OTULIN: variants seen among roughly 807,000 people sequenced by gnomAD.
OTULIN encodes OTU deubiquitinase with linear linkage specificity.
A neutral mutation model predicts 39.6 loss-of-function variants in OTULIN; 15 were observed. The observed-to-expected ratio is 0.38, with a 90% CI of 0.25 to 0.58. The LOEUF is 0.58. Ranked by LOEUF, OTULIN falls within the 20% of genes least tolerant of loss-of-function variation. The pLI is 0.66. For missense variants in OTULIN, 319 were observed against 445.9 expected (o/e 0.72, Z 2.56); for synonymous variants, 156 against 170.3 (o/e 0.92, Z 0.65).
At chr5:14,712,602 G>A in the OTULIN span, among the ~76,000 whole-genome samples, 8 of 152,198 alleles carry the variant, frequency 5.3e-5, no homozygotes, top group African/African-American at 1.7e-4. Context: ...CCCCATCTAC[G>A]CTGGCTTTCT....
intron 1 of OTULIN, among the ~76,000 whole-genome samples, chr5:14,672,566 G>A (rs1736005347): frequency 6.6e-6 from 1 of 152,100 alleles, no homozygotes; most frequent in African/African-American, 2.4e-5. Context: ...GTGTGAGGAT[G>A]GGGTATGCGC....
intron 1 of OTULIN, among the ~76,000 whole-genome samples, chr5:14,673,069 A>T (rs904841006): frequency 6.6e-6 from 1 of 152,148 alleles, no homozygotes; most frequent in Non-Finnish European, 1.5e-5. Flanking sequence ...GTGGGAATCT[A>T]TGTAACAGCT....
In OTULIN at chr5:14,678,604, TA is replaced by T. The variant is rs1341462533; in HGVS notation, c.230-75del. 3.9e-6 allele frequency: 4 copies of T among 1,020,802 alleles called. No homozygotes were observed. In the African/African-American group the frequency reaches 6.7e-5, roughly 17 times the overall value. The allele number at this position is 1,020,802 out of a possible 1,614,324, so 63.2% of individuals were successfully genotyped here. On this transcript the variant is annotated intron_variant, in intron 2 of 6. Coordinates refer to ENST00000284274, the MANE Select transcript of OTULIN (RefSeq NM_138348.6). ...AAGAAAGAAAATGAAGAGTGAAGGG[TA>T]ACCCCCAACTGAAGCAGTATTCTGA...
At chr5:14,674,329 T>A (rs944446077) in intron 2 of OTULIN, among the ~76,000 whole-genome samples, 3 of 152,214 alleles carry the variant, frequency 2.0e-5, no homozygotes, top group African/African-American at 7.2e-5. Flanking sequence ...GTTCCCTGAG[T>A]GGCCTCATGC....
At chr5:14,700,868 C>T (rs1200467169), downstream of OTULIN, among the ~76,000 whole-genome samples, 1 of 152,164 alleles carries the variant, frequency 6.6e-6, no homozygotes, top group Admixed American at 6.5e-5. Context: ...CCTTTTTGAG[C>T]ACTCTGGGGT....
intron 5 of OTULIN, among the ~76,000 whole-genome samples, chr5:14,688,865 G>C (rs1453695150): frequency 6.6e-6 from 1 of 152,092 alleles, no homozygotes; most frequent in Non-Finnish European, 1.5e-5. Flanking sequence ...TTAAGGTCTT[G>C]TGAAATTGCT....
At chr5:14,714,426 C>T in the OTULIN span, among the ~76,000 whole-genome samples, 10 of 152,342 alleles carry the variant, frequency 6.6e-5, no homozygotes, top group East Asian at 3.9e-4. Context: ...CTTGAGGACG[C>T]GCAGGGCAGG....
At chr5:14,673,618 A>G in intron 1 of OTULIN, 24 bp from the exon 2 acceptor site, 1 of 1,608,476 alleles carries the variant, frequency 6.2e-7, no homozygotes, top group Non-Finnish European at 8.5e-7. Context: ...GTGTTTGAAA[A>G]TGTCTGCTTT....
intron 5 of OTULIN, among the ~76,000 whole-genome samples, chr5:14,688,194 G>A (rs1332279557): frequency 1.3e-5 from 2 of 152,124 alleles, no homozygotes; most frequent in African/African-American, 4.8e-5. Flanking sequence ...CTACCTTTCT[G>A]TGGCTTTCCA....
At chr5:14,681,648 C>T in intron 4 of OTULIN, 41 bp downstream of exon 4, 2 of 1,575,632 alleles carry the variant, frequency 1.3e-6, no homozygotes, top group East Asian at 4.5e-5. Flanking sequence ...ATGTTTCAAA[C>T]AATTTTTGTG....
chr5:14,690,404 C>G lies in OTULIN; in HGVS notation c.864+96C>G. ...TTTTTGTAGGTCAGAAATTCAGGGA[C>G]AGCTTAGTTGGATGGTTCTGGCTCA... On this transcript the variant is annotated intron_variant, in intron 6 of 6. Coordinates refer to ENST00000284274, the MANE Select transcript of OTULIN (RefSeq NM_138348.6). The surrounding 1 kb of genome is among the most constrained non-coding windows in gnomAD (Gnocchi z 4.5). 6.9e-7 allele frequency: 1 copy of G among 1,439,992 alleles called. No individual in the cohort carries two copies. Among genetic ancestry groups the G allele is most frequent in the Non-Finnish European group, 9.4e-7 (1 of 1,063,900 alleles). 89.2% of individuals were successfully genotyped at this position (1,439,992 alleles called of 1,614,324 possible).
the OTULIN span, among the ~76,000 whole-genome samples, chr5:14,715,679 T>TGCAA: frequency 4.1e-3 from 624 of 152,362 alleles, 6 homozygotes; most frequent in African/African-American, 0.014. Flanking sequence ...AATGTAGCTA[T>TGCAA]GCAAGCAGTT....
intron 4 of OTULIN, among the ~76,000 whole-genome samples, chr5:14,687,031 A>G (rs1436571626): frequency 1.3e-5 from 2 of 152,090 alleles, no homozygotes; most frequent in African/African-American, 4.8e-5. Context: ...AACTTTTTCT[A>G]CCTTTTTTTG....
rs1161322781 is a variant in OTULIN at position 14,694,995 on chromosome 5, ACCATCAGTTTATATATGT to A, written c.*1949_*1966del. ...GTGCCCTTCAGGTACATTGAATCTG[ACCATCAGTTTATATATGT>A]CATTGAATTTTAAGAATACTCATGT... On this transcript the variant is annotated 3_prime_UTR_variant, in exon 7 of 7. Transcript: ENST00000284274. 6.6e-6 allele frequency: 1 copy of A among 152,258 alleles called. No individual in the cohort carries two copies. The highest frequency in any genetic ancestry group is 1.9e-4 in the East Asian group (1 of 5,200). 9.4% of individuals were successfully genotyped at this position (152,258 alleles called of 1,614,324 possible).
At chr5:14,709,249 T>C in the OTULIN span, 1 of 151,980 alleles carries the variant, frequency 6.6e-6, no homozygotes. Flanking sequence ...AAGTCACACA[T>C]GTTAAAAAAT....
intron 1 of OTULIN, among the ~76,000 whole-genome samples, chr5:14,672,369 C>T (rs1350050067): frequency 6.6e-6 from 1 of 152,138 alleles, no homozygotes; most frequent in Non-Finnish European, 1.5e-5. Context: ...CTGGCCCTCC[C>T]AGTACCCCTT....
chr5:14,710,282 CTA>C, the OTULIN span: 1 of 152,224 alleles, frequency 6.6e-6, no homozygotes, highest in Non-Finnish European at 1.5e-5. Context: ...ACTGTAAAAA[CTA>C]AAATGCAAAG....
the OTULIN span, chr5:14,710,098 A>G: frequency 6.6e-6 from 1 of 152,210 alleles, no homozygotes. Flanking sequence ...GTATCGTTAT[A>G]AAATGTCTTG....
At chr5:14,691,539 T>C (rs576117573) in intron 6 of OTULIN, among the ~76,000 whole-genome samples, 105 of 152,294 alleles carry the variant, frequency 6.9e-4, no homozygotes, top group Non-Finnish European at 1.2e-3. Context: ...GTTTGCATAT[T>C]AGACTAAAGT....
Sources: gnomAD v4.1 joint callset for allele counts (sites outside exome capture counted in the v4.1 genomes callset) on GRCh38, gnomAD v4.1.1 for gene constraint, Gnocchi (gnomAD v3.1) non-coding constraint, MANE v1.5 for transcripts, NCBI Gene and HGNC (gene_info 2026-07-23, HGNC 2026-07-21) for gene names.